Variants in DNAJC2 observed in about 807,000 individuals in gnomAD.
DNAJC2 encodes dnaJ homolog subfamily C member 2.
Under a neutral mutation model 94.0 loss-of-function variants are expected in DNAJC2, and 32 were observed. That is an observed-to-expected ratio of 0.34 (90% confidence interval 0.26 to 0.46). DNAJC2 has a LOEUF of 0.46. Among genes scored for constraint, DNAJC2 ranks in the 20% least tolerant of loss-of-function variants. DNAJC2 has a pLI of 1.00. For synonymous variants in DNAJC2, 210 were observed against 229.7 expected (o/e 0.91, Z 0.77); for missense variants, 550 against 719.5 (o/e 0.76, Z 2.69).
intron 1 of DNAJC2, among the ~76,000 whole-genome samples, chr7:103,342,451 A>T (rs994539693): frequency 6.6e-6 from 1 of 151,694 alleles, no homozygotes; most frequent in Admixed American, 6.6e-5. Flanking sequence ...GATTACAGGC[A>T]TGCGCCACCA....
rs920334611 is a variant in DNAJC2, at chr7:103,334,617, T to TA, written c.331+3118dup. ...AATCTTGAAAAAAAATTTTTTTAAT[T>TA]AAAAAAAAAAAAGAGAGACAAGGTC... On this transcript the variant is annotated intron_variant, in intron 3 of 16. Coordinates refer to ENST00000379263, the MANE Select transcript of DNAJC2 (RefSeq NM_014377.3). 4.5e-3 allele frequency among the ~76,000 whole-genome samples: 641 copies of TA among 142,160 alleles called. 3 individuals are homozygous for TA. Among genetic ancestry groups the TA allele is most frequent in the African/African-American group, 0.015 (564 of 38,826 alleles). The allele number at this position is 142,160 out of a possible 152,430, so 93.3% of individuals were successfully genotyped here. A position where few individuals can be genotyped will look rare whatever the true frequency, so the allele number is the denominator to read the frequency against.
chr7:103,318,825 A>G (rs1818219437), intron 12 of DNAJC2, among the ~76,000 whole-genome samples: 1 of 152,218 alleles, frequency 6.6e-6, no homozygotes, highest in South Asian at 2.1e-4. Flanking sequence ...GATTTTGCAA[A>G]AGCTATGCTT....
intron 12 of DNAJC2, 43 bp downstream of exon 12, chr7:103,319,566 T>C: frequency 6.3e-7 from 1 of 1,585,382 alleles, no homozygotes; most frequent in Non-Finnish European, 8.7e-7. Flanking sequence ...CAAAGCAGAA[T>C]TAAATGCTAC....
intron 4 of DNAJC2, 92 bp downstream of exon 4, chr7:103,327,564 A>T (rs1818772016): frequency 1.2e-6 from 1 of 820,012 alleles, no homozygotes; most frequent in South Asian, 1.7e-5. Flanking sequence ...AGGATAGTTG[A>T]ATGAACTACA....
intron 12 of DNAJC2, 39 bp from the exon 13 acceptor site, chr7:103,317,053 T>C (rs1818104231): frequency 1.2e-5 from 18 of 1,542,140 alleles, no homozygotes; most frequent in African/African-American, 2.7e-5. Context: ...AGAAGTATAC[T>C]GTATTGCTAT....
At chr7:103,326,750 G>T (rs1301802180) in intron 4 of DNAJC2, 66 bp from the exon 5 acceptor site, 1 of 1,450,788 alleles carries the variant, frequency 6.9e-7, no homozygotes, top group African/African-American at 1.4e-5. Context: ...AAGAAAACAA[G>T]TATTTCCCTC....
At chr7:103,316,799 A>G in intron 13 of DNAJC2, 31 bp downstream of exon 13, 1 of 1,579,256 alleles carries the variant, frequency 6.3e-7, no homozygotes. Context: ...CTCCAGTGTG[A>G]GTTGAAGAAA....
chr7:103,315,446 T>G (rs76567953), intron 15 of DNAJC2, among the ~76,000 whole-genome samples: 2 of 152,290 alleles, frequency 1.3e-5, no homozygotes, highest in African/African-American at 4.8e-5. Context: ...TTACAGTACA[T>G]TTCTCAAAAT....
intron 15 of DNAJC2, chr7:103,314,261 G>C: frequency 1.0e-6 from 1 of 985,382 alleles, no homozygotes; most frequent in Non-Finnish European, 1.2e-6. Context: ...CTGTTCTCCA[G>C]TTACTTCACA....
intron 9 of DNAJC2, 109 bp downstream of exon 9, chr7:103,322,402 T>A (rs1426350779): frequency 7.8e-6 from 9 of 1,159,592 alleles, no homozygotes; most frequent in Non-Finnish European, 1.1e-5. Context: ...TAGCACCCAA[T>A]TCTCTGCTTT....
At chr7:103,319,119 CAGAG>C (rs541978160) in intron 12 of DNAJC2, among the ~76,000 whole-genome samples, 18 of 152,110 alleles carry the variant, frequency 1.2e-4, no homozygotes, top group East Asian at 1.9e-4. Context: ...GCCTGGGTGA[CAGAG>C]AGAGACTCCA....
At chr7:103,344,294 A>G in intron 1 of DNAJC2, 1 of 536,822 alleles carries the variant, frequency 1.9e-6, no homozygotes, top group South Asian at 2.5e-5. Flanking sequence ...CCGTCCCGAA[A>G]TGCTCAGCCC....
At chr7:103,342,260 G>T (rs749656028) in intron 1 of DNAJC2, among the ~76,000 whole-genome samples, 3 of 151,562 alleles carry the variant, frequency 2.0e-5, no homozygotes, top group Non-Finnish European at 4.4e-5. Context: ...GGAACAGGAA[G>T]AAATGTTGCA....
chr7:103,314,789 T>G (rs768820735), intron 15 of DNAJC2: 6 of 270,238 alleles, frequency 2.2e-5, no homozygotes, highest in Non-Finnish European at 2.8e-5. Context: ...TAAGCAAGAT[T>G]AAAGAATATA....
intron 3 of DNAJC2, among the ~76,000 whole-genome samples, chr7:103,332,279 A>G (rs1482815176): frequency 6.6e-6 from 1 of 152,214 alleles, no homozygotes; most frequent in Non-Finnish European, 1.5e-5. Context: ...TGCTCGGATT[A>G]TAGGCGTGAG....
intron 12 of DNAJC2, chr7:103,317,409 A>T (rs773943512): frequency 6.0e-6 from 1 of 165,806 alleles, no homozygotes; most frequent in Non-Finnish European, 1.3e-5. Context: ...AGGCATAGCA[A>T]AATGGCCTCT....
At chr7:103,316,718 CAG>C (rs1237094869) in intron 13 of DNAJC2, 110 bp downstream of exon 13, 4 of 923,420 alleles carry the variant, frequency 4.3e-6, no homozygotes, top group Non-Finnish European at 6.5e-6. Context: ...TGCTGTGGCA[CAG>C]AATTTATCTC....
chr7:103,322,183 AAAG>A (rs1288220029), intron 9 of DNAJC2, 102 bp from the exon 10 acceptor site: 1 of 893,024 alleles, frequency 1.1e-6, no homozygotes, highest in Non-Finnish European at 1.6e-6. Flanking sequence ...TATTAGGAAA[AAAG>A]GCAACATAAA....
intron 3 of DNAJC2, chr7:103,336,315 C>G (rs1819172019): frequency 6.6e-6 from 1 of 152,198 alleles, no homozygotes; most frequent in African/African-American, 2.4e-5. Flanking sequence ...ACAAATTTAT[C>G]TGTACTAAGA....
Sources: allele counts gnomAD v4.1 joint callset (sites outside exome capture counted in the v4.1 genomes callset), GRCh38; gene constraint gnomAD v4.1.1; transcripts MANE v1.5; gene names NCBI Gene and HGNC (gene_info 2026-07-23, HGNC 2026-07-21).